SNX4: variants seen among roughly 807,000 people sequenced by gnomAD.
SNX4 encodes sorting nexin 4, also known as sorting nexin-4.
A neutral mutation model predicts 70.8 loss-of-function variants in SNX4; 49 were observed. The ratio of observed to expected loss-of-function variants is 0.69; its 90% CI spans 0.55 to 0.88. SNX4 has a LOEUF of 0.88. Among genes scored for constraint, SNX4 ranks in the 40% least tolerant of loss-of-function variants. The pLI is 0.00. For synonymous variants in SNX4, 206 were observed against 183.8 expected, an observed-to-expected ratio of 1.12 and a Z score of -0.98; for missense variants, 528 against 544.8, an observed-to-expected ratio of 0.97 and a Z score of 0.31.
intron 2 of SNX4, among the ~76,000 whole-genome samples, chr3:125,502,265 T>C (rs529728885): frequency 6.6e-6 from 1 of 152,248 alleles, no homozygotes; most frequent in Admixed American, 6.5e-5. Context: ...TAAACATACA[T>C]ATGTCATGAA....
chr3:125,515,664 C>CAAAAAA (rs3030895), intron 1 of SNX4, among the ~76,000 whole-genome samples: 1 of 102,434 alleles, frequency 9.8e-6, no homozygotes. Flanking sequence ...GACTTGGCCT[C>CAAAAAA]AAAAAAAAAA....
Position 125,460,873 on chromosome 3 carries a change from A to AG in SNX4, c.855-14_855-13insC. ...AGAAGATGCATACCTGTTTTAAAAA[A>AG]AAAAACACACATTGCATAGAGTTAC... On this transcript the variant is annotated splice_polypyrimidine_tract_variant and intron_variant, in intron 9 of 13. Transcript: ENST00000251775. 1 of 1,284,298 alleles carries AG rather than the reference A, an allele frequency of 7.8e-7. No individual in the cohort carries two copies. The highest frequency in any genetic ancestry group is 1.1e-6 in the Non-Finnish European group (1 of 929,028). 79.6% of individuals were successfully genotyped at this position (1,284,298 alleles called of 1,614,324 possible).
chr3:125,490,570 C>T (rs970258448), intron 5 of SNX4, among the ~76,000 whole-genome samples: 2 of 149,652 alleles, frequency 1.3e-5, no homozygotes, highest in Non-Finnish European at 3.0e-5. Flanking sequence ...AAGTAACACT[C>T]TACTAAATAA....
rs372568892 is a variant in SNX4, at chr3:125,453,330, G to A, written c.1190+480C>T. 2.6e-5 allele frequency among the ~76,000 whole-genome samples: 4 copies of A among 152,310 alleles called. No individual in the cohort carries two copies. The South Asian group carries it at 6.2e-4, about 24-fold the overall frequency. ...TGAAGTAACACTTCAGCTGGGTACT[G>A]AAGGAGGGGAGGGGAGAAGAAATGG... On this transcript the variant is annotated intron_variant, in intron 12 of 13. Transcript: ENST00000251775.
intron 9 of SNX4, among the ~76,000 whole-genome samples, chr3:125,467,286 C>T (rs1275773725): frequency 6.6e-6 from 1 of 151,872 alleles, no homozygotes; most frequent in African/African-American, 2.4e-5. Context: ...ACTCGGGAGG[C>T]TGAGTCAGGA....
intron 1 of SNX4, among the ~76,000 whole-genome samples, chr3:125,509,196 G>A (rs770023024): frequency 3.1e-4 from 47 of 151,850 alleles, no homozygotes; most frequent in African/African-American, 1.1e-3. Flanking sequence ...GCCAGGCGTG[G>A]TGTCATATCT....
intron 12 of SNX4, 21 bp from the exon 13 acceptor site, chr3:125,451,440 A>G (rs961408707): frequency 2.6e-6 from 4 of 1,521,310 alleles, no homozygotes; most frequent in Non-Finnish European, 3.6e-6. Flanking sequence ...AGGTATAGCC[A>G]TTATTATTAT....
intron 1 of SNX4, among the ~76,000 whole-genome samples, chr3:125,515,034 T>C (rs1200933684): frequency 6.6e-6 from 1 of 152,234 alleles, no homozygotes; most frequent in Admixed American, 6.5e-5. Flanking sequence ...GGCTAAGTAT[T>C]GTTTCCTGAA....
chr3:125,504,520 A>T (rs1183628516), intron 2 of SNX4, 103 bp downstream of exon 2: 4 of 1,191,226 alleles, frequency 3.4e-6, no homozygotes. Context: ...TCCCGAAAAA[A>T]AAAATAACCT....
chr3:125,514,968 GCTT>G (rs1246030073), intron 1 of SNX4, among the ~76,000 whole-genome samples: 2 of 146,160 alleles, frequency 1.4e-5, no homozygotes, highest in African/African-American at 5.2e-5. Context: ...CCAGCCCAAT[GCTT>G]CTTTTTAATT....
At chr3:125,493,832 C>T (rs1203661868) in intron 5 of SNX4, among the ~76,000 whole-genome samples, 2 of 151,580 alleles carry the variant, frequency 1.3e-5, no homozygotes, top group East Asian at 3.9e-4. Context: ...GAGATCGAGA[C>T]CATCCTGGCT....
intron 8 of SNX4, among the ~76,000 whole-genome samples, chr3:125,475,221 C>G (rs966841236): frequency 1.3e-5 from 2 of 152,146 alleles, no homozygotes; most frequent in Admixed American, 1.3e-4. Context: ...ACCTACTACT[C>G]TAATAAATGA....
intron 7 of SNX4, among the ~76,000 whole-genome samples, chr3:125,477,507 G>T (rs1457685529): frequency 6.6e-6 from 1 of 152,008 alleles, no homozygotes; most frequent in Admixed American, 6.6e-5. Context: ...AAGACCAAAG[G>T]CTCATCCTAC....
intron 2 of SNX4, 109 bp downstream of exon 2, chr3:125,504,514 G>T: frequency 2.0e-6 from 2 of 1,000,752 alleles, no homozygotes; most frequent in Non-Finnish European, 2.9e-6. Flanking sequence ...AGTCAATCCC[G>T]AAAAAAAAAA....
intron 5 of SNX4, among the ~76,000 whole-genome samples, chr3:125,490,524 C>CAA (rs1173858739): frequency 1.3e-3 from 65 of 48,786 alleles, no homozygotes; most frequent in African/African-American, 2.7e-3. Flanking sequence ...ACTCTGTCTC[C>CAA]AAAAAAAAAA....
intron 6 of SNX4, among the ~76,000 whole-genome samples, chr3:125,480,660 G>A (rs58997055): frequency 0.17 from 25,249 of 152,084 alleles, 2,282 homozygotes; most frequent in African/African-American, 0.23. Context: ...TAAACTCATG[G>A]TCTCTAACCT....
chr3:125,500,799 CAAAAAAAAAA>C (rs770336677), intron 2 of SNX4, among the ~76,000 whole-genome samples: 5 of 29,298 alleles, frequency 1.7e-4, no homozygotes, highest in African/African-American at 5.1e-4. Flanking sequence ...GACTCCGTCT[CAAAAAAAAAA>C]AAAAAAAAAA....
intron 10 of SNX4, among the ~76,000 whole-genome samples, chr3:125,460,171 G>C (rs1269226641): frequency 6.8e-6 from 1 of 147,396 alleles, no homozygotes; most frequent in African/African-American, 2.5e-5. Context: ...TCCAGCCTGG[G>C]TGACACAGCC....
At chr3:125,464,970 C>T (rs997153070) in intron 9 of SNX4, among the ~76,000 whole-genome samples, 1 of 152,010 alleles carries the variant, frequency 6.6e-6, no homozygotes, top group Non-Finnish European at 1.5e-5. Flanking sequence ...GTCTTAAACT[C>T]CTGACCTCAC....
Sources: allele counts gnomAD v4.1 joint callset (sites outside exome capture counted in the v4.1 genomes callset), GRCh38; gene constraint gnomAD v4.1.1; transcripts MANE v1.5; gene names NCBI Gene and HGNC (gene_info 2026-07-23, HGNC 2026-07-21).